MOCS2: variants seen among roughly 807,000 people sequenced by gnomAD.
MOCS2 encodes molybdopterin synthase catalytic subunit.
Under a neutral mutation model 21.9 loss-of-function variants are expected in MOCS2, and 13 were observed. The ratio of observed to expected loss-of-function variants is 0.59; its 90% CI spans 0.39 to 0.94. The LOEUF (loss-of-function observed/expected upper bound fraction) is 0.94. MOCS2 is among the 40% of genes least tolerant of loss of function. The pLI, the probability that MOCS2 is intolerant of heterozygous loss-of-function variation, is 0.00. For synonymous variants in MOCS2, 92 were observed against 80.8 expected (o/e 1.14, Z -0.74); for missense variants, 227 against 218.3 (o/e 1.04, Z -0.25).
In MOCS2 at chr5:53,107,599, C is replaced by T. The variant is rs1741087999; in HGVS notation, c.-47-378G>A. ...GTGTTCAAGCACAAGTATAACTGCC[C>T]ACAAACTATGCCTGTACACATTATC... is the stretch of plus-strand genomic sequence containing the variant. On this transcript the variant is annotated intron_variant, in intron 2 of 6. Coordinates refer to ENST00000396954, the MANE Select transcript of MOCS2 (RefSeq NM_004531.5). 3 of 227,842 alleles carry T rather than the reference C, an allele frequency of 1.3e-5. No homozygotes were observed. The Admixed American group carries it at 1.6e-4, about 12-fold the overall frequency. The allele number at this position is 227,842 out of a possible 1,614,324, so 14.1% of individuals were successfully genotyped here. A position where few individuals can be genotyped will look rare whatever the true frequency, so the allele number is the denominator to read the frequency against.
At chr5:53,099,481 A>T (rs148842731) in intron 6 of MOCS2, among the ~76,000 whole-genome samples, 2 of 152,304 alleles carry the variant, frequency 1.3e-5, no homozygotes, top group East Asian at 3.9e-4. Flanking sequence ...CCTTGTTCAC[A>T]GCAAGGGAAC....
chr5:53,100,806 C>CT (rs1455387439), intron 5 of MOCS2: 11 of 436,334 alleles, frequency 2.5e-5, no homozygotes, highest in Non-Finnish European at 4.2e-5. Flanking sequence ...ATTGATAGAG[C>CT]AAACATCTGA....
intron 3 of MOCS2, among the ~76,000 whole-genome samples, chr5:53,106,858 GAT>G (rs1741064166): frequency 6.6e-6 from 1 of 152,018 alleles, no homozygotes; most frequent in Non-Finnish European, 1.5e-5. Flanking sequence ...ATATCAAACT[GAT>G]ATGTTTATTG....
At position 53,101,340 on chromosome 5, in the gene MOCS2, G is replaced by A; in HGVS notation, c.377+19C>T. 3 of 1,611,916 alleles carry A rather than the reference G, an allele frequency of 1.9e-6. No homozygotes were observed. Among genetic ancestry groups the A allele is most frequent in the Admixed American group, 1.7e-5 (1 of 60,018 alleles). On this transcript the variant is annotated intron_variant, in intron 5 of 6. Coordinates refer to ENST00000396954, the MANE Select transcript of MOCS2 (RefSeq NM_004531.5). The stretch of plus-strand genomic sequence containing the variant: ...AAAACAATTACACTTAACTTTTAGA[G>A]TGATAAAGGAAATCATACCCAAGTC...
In MOCS2 at chr5:53,109,408, T is replaced by C; in HGVS notation, c.-327A>G. ...ATTTTAGCTTCATCAAAACGAATAA[T>C]CTGGGAAAGAGGTGGTCATAAAAGG... On this transcript the variant is annotated 5_prime_UTR_variant, in exon 1 of 7. Coordinates refer to ENST00000396954, the MANE Select transcript of MOCS2 (RefSeq NM_004531.5). 1 of 1,230,506 alleles carries C rather than the reference T, an allele frequency of 8.1e-7. No homozygotes were observed. Among genetic ancestry groups the C allele is most frequent in the African/African-American group, 1.6e-5 (1 of 64,180 alleles). The allele number at this position is 1,230,506 out of a possible 1,614,324, so 76.2% of individuals were successfully genotyped here.
chr5:53,097,125 C>G lies in MOCS2; in HGVS notation c.*1477G>C, dbSNP rs1034100713. 2 of 152,258 alleles carry G rather than the reference C, an allele frequency of 1.3e-5. No homozygotes were observed. Among genetic ancestry groups the G allele is most frequent in the African/African-American group, 2.4e-5 (1 of 41,438 alleles). The allele number at this position is 152,258 out of a possible 1,614,324, so 9.4% of individuals were successfully genotyped here. A position where few individuals can be genotyped will look rare whatever the true frequency, so the allele number is the denominator to read the frequency against. On this transcript the variant is annotated 3_prime_UTR_variant, in exon 7 of 7. Transcript: ENST00000396954. ...TAAGGCTGAGACCAAACAGGCAACC[C>G]GAACCCGGCAGAGGAAGTAGGCGGA...
At position 53,106,984 on chromosome 5, in the gene MOCS2, C is replaced by A; in HGVS notation, c.98+93G>T. 5 of 1,424,004 alleles carry A rather than the reference C, an allele frequency of 3.5e-6. No homozygotes were observed. In the South Asian group the frequency reaches 6.3e-5, roughly 18 times the overall value. 88.2% of individuals were successfully genotyped at this position (1,424,004 alleles called of 1,614,324 possible). A position where few individuals can be genotyped will look rare whatever the true frequency, so the allele number is the denominator to read the frequency against. ...TAAAGATTTGGTACAGACAGACTTA[C>A]AAAGAATATACATTAACAGCAAACC... On this transcript the variant is annotated intron_variant, in intron 3 of 6. Transcript: ENST00000396954.
chr5:53,098,750 A>ATTTATTCTGATT, intron 6 of MOCS2, 83 bp from the exon 7 acceptor site: 1 of 988,554 alleles, frequency 1.0e-6, no homozygotes, highest in Non-Finnish European at 1.6e-6. Flanking sequence ...AATCAGACAA[A>ATTTATTCTGATT]TGAATATCAC....
chr5:53,099,749 T>C (rs958058765), intron 6 of MOCS2, among the ~76,000 whole-genome samples: 24 of 152,202 alleles, frequency 1.6e-4, no homozygotes, highest in African/African-American at 5.8e-4. Flanking sequence ...ACTCCTCAGC[T>C]TTCTGTCAAC....
Position 53,109,509 on chromosome 5 carries a change from C to G in MOCS2, c.-428G>C. 1 of 1,364,412 alleles carries G rather than the reference C, an allele frequency of 7.3e-7. No individual in the cohort carries two copies. Among genetic ancestry groups the G allele is most frequent in the South Asian group, 1.8e-5 (1 of 55,214 alleles). 84.5% of individuals were successfully genotyped at this position (1,364,412 alleles called of 1,614,324 possible). A position where few individuals can be genotyped will look rare whatever the true frequency, so the allele number is the denominator to read the frequency against. On this transcript the variant is annotated 5_prime_UTR_variant, in exon 1 of 7. Transcript: ENST00000396954. ...GTTCTCGGAGAGGACCCGACTTCTG[C>G]TGGGGCAGTCGCAGTAAAGCCCGGA...
rs577168655 is a variant in MOCS2, at chr5:53,108,597, C to G, written c.-123G>C. The G allele has an allele frequency of 2.5e-6, 4 of 1,613,410 alleles. No homozygotes were observed. The highest frequency in any genetic ancestry group is 2.2e-5 in the East Asian group (1 of 44,828). ...TTGAGGCACAGAAATGGTCTCTGAA[C>G]GAACTCCTGTTATTTCAGCACTTTT... On this transcript the variant is annotated 5_prime_UTR_variant, in exon 2 of 7. Coordinates refer to ENST00000396954, the MANE Select transcript of MOCS2 (RefSeq NM_004531.5).
In MOCS2 at chr5:53,096,172, T is replaced by G. The variant is rs568841770; in HGVS notation, c.*2430A>C. The G allele has an allele frequency of 1.3e-5, 2 of 152,328 alleles. No homozygotes were observed. Among genetic ancestry groups the G allele is most frequent in the South Asian group, 4.1e-4 (2 of 4,830 alleles). The allele number at this position is 152,328 out of a possible 1,614,324, so 9.4% of individuals were successfully genotyped here. A position where few individuals can be genotyped will look rare whatever the true frequency, so the allele number is the denominator to read the frequency against. On this transcript the variant is annotated 3_prime_UTR_variant, in exon 7 of 7. Transcript: ENST00000396954. The stretch of plus-strand genomic sequence containing the variant: ...CATCACACAAATCATTCTTGAGAGA[T>G]CTTCACTGTACCAGGTGCTCAGTAA...
At position 53,098,585 on chromosome 5, in the gene MOCS2, T is replaced by G; in HGVS notation, c.*17A>C. On this transcript the variant is annotated 3_prime_UTR_variant, in exon 7 of 7. Transcript: ENST00000396954. ...GTTTAACAAAGTTAAGATTGCATGC[T>G]CTAAAAACATAAGTGATTAACTGTT... The G allele has an allele frequency of 6.2e-7, 1 of 1,606,294 alleles. No individual in the cohort carries two copies. The highest frequency in any genetic ancestry group is 8.5e-7 in the Non-Finnish European group (1 of 1,172,954).
chr5:53,103,460 C>G (rs918357874), intron 3 of MOCS2, among the ~76,000 whole-genome samples: 1 of 152,142 alleles, frequency 6.6e-6, no homozygotes, highest in African/African-American at 2.4e-5. Context: ...GAACTGGGTT[C>G]CCTTCACAAA....
intron 3 of MOCS2, among the ~76,000 whole-genome samples, chr5:53,103,427 C>T (rs1561174991): frequency 1.3e-5 from 2 of 152,244 alleles, no homozygotes; most frequent in South Asian, 4.1e-4. Flanking sequence ...AAAGGAAGAA[C>T]AGAAGTGACA....
chr5:53,099,127 A>T (rs1013369134), intron 6 of MOCS2, among the ~76,000 whole-genome samples: 1 of 152,160 alleles, frequency 6.6e-6, no homozygotes, highest in African/African-American at 2.4e-5. Context: ...TAAGGAGAAC[A>T]TATCACTTTC....
intron 5 of MOCS2, 37 bp downstream of exon 5, chr5:53,101,322 T>C: frequency 6.3e-7 from 1 of 1,597,042 alleles, no homozygotes; most frequent in Non-Finnish European, 8.6e-7. Context: ...TGGAAAACAA[T>C]TACACTTAAC....
intron 4 of MOCS2, 22 bp from the exon 5 acceptor site, chr5:53,101,531 AAAAG>A: frequency 1.3e-6 from 2 of 1,523,858 alleles, no homozygotes; most frequent in Non-Finnish European, 1.8e-6. Context: ...AAAAAAAAGA[AAAAG>A]AAAACAATTA....
chr5:53,108,731 T>G, intron 1 of MOCS2, 88 bp from the exon 2 acceptor site: 3 of 1,372,878 alleles, frequency 2.2e-6, no homozygotes, highest in Admixed American at 5.1e-5. Context: ...TCCAAATGTA[T>G]TGCTTTAATC....
Sources: gnomAD v4.1 joint callset for allele counts (sites outside exome capture counted in the v4.1 genomes callset) on GRCh38, gnomAD v4.1.1 for gene constraint, MANE v1.5 for transcripts, NCBI Gene and HGNC (gene_info 2026-07-23, HGNC 2026-07-21) for gene names.